The following TAFA2 variants were observed in gnomAD, a reference collection of about 807,000 sequenced individuals.
The protein encoded by TAFA2 is TAFA chemokine like family member 2, also known as chemokine-like protein TAFA-2.
Under a neutral mutation model 18.8 loss-of-function variants are expected in TAFA2, and 7 were observed. The ratio of observed to expected loss-of-function variants is 0.37; its 90% CI spans 0.21 to 0.70. TAFA2 has a LOEUF of 0.70. Among genes scored for constraint, TAFA2 ranks in the 30% least tolerant of loss-of-function variants. TAFA2 has a pLI of 0.53. For synonymous variants in TAFA2, 60 were observed against 54.2 expected (o/e 1.11, Z -0.47); for missense variants, 122 against 158.1 (o/e 0.77, Z 1.23).
At chr12:61,929,508 G>A (rs1344609034) in intron 1 of TAFA2, among the ~76,000 whole-genome samples, 1 of 152,148 alleles carries the variant, frequency 6.6e-6, no homozygotes, top group South Asian at 2.1e-4. Context: ...GGAAACAACA[G>A]GTGCTGGAGA....
chr12:61,863,304 G>C (rs1045579342), intron 2 of TAFA2, among the ~76,000 whole-genome samples: 1 of 152,182 alleles, frequency 6.6e-6, no homozygotes, highest in African/African-American at 2.4e-5. Flanking sequence ...CTGTGCACTA[G>C]AGGCAGAGAG....
intron 2 of TAFA2, among the ~76,000 whole-genome samples, chr12:61,847,505 A>T (rs1294701336): frequency 2.6e-5 from 4 of 152,216 alleles, no homozygotes; most frequent in African/African-American, 9.6e-5. Flanking sequence ...ACATGTATAC[A>T]TTACTTTGAG....
At chr12:62,043,520 G>A (rs1309574631) in intron 1 of TAFA2, among the ~76,000 whole-genome samples, 3 of 152,034 alleles carry the variant, frequency 2.0e-5, no homozygotes, top group Admixed American at 6.6e-5. Flanking sequence ...GTTAAATGGC[G>A]AGTTAATGGG....
chr12:61,971,639 C>A (rs779057151), intron 1 of TAFA2, among the ~76,000 whole-genome samples: 1 of 151,780 alleles, frequency 6.6e-6, no homozygotes, highest in Non-Finnish European at 1.5e-5. Context: ...AAACTAAACA[C>A]CACATGTTCT....
At chr12:62,245,081 A>T (rs145974771) in intron 1 of TAFA2, among the ~76,000 whole-genome samples, 144 of 152,178 alleles carry the variant, frequency 9.5e-4, no homozygotes, top group African/African-American at 3.3e-3. Context: ...CATAAAATAA[A>T]GCTTTCCCTA....
At chr12:62,146,682 T>C (rs1212461406) in intron 1 of TAFA2, among the ~76,000 whole-genome samples, 1 of 152,014 alleles carries the variant, frequency 6.6e-6, no homozygotes, top group Non-Finnish European at 1.5e-5. Flanking sequence ...TCCCAGGCAA[T>C]ATGAAAAGTG....
chr12:61,904,396 C>G (rs1876247534), intron 1 of TAFA2, among the ~76,000 whole-genome samples: 1 of 152,120 alleles, frequency 6.6e-6, no homozygotes, highest in Non-Finnish European at 1.5e-5. Context: ...TTCAAAAATG[C>G]AGCCCTGCCT....
At chr12:61,926,518 C>G (rs1281956068) in intron 1 of TAFA2, among the ~76,000 whole-genome samples, 4 of 152,132 alleles carry the variant, frequency 2.6e-5, no homozygotes, top group African/African-American at 9.7e-5. Flanking sequence ...CAGCTTCATC[C>G]CTGGAATGCA....
chr12:62,131,301 GAAGT>G (rs1870674007), intron 1 of TAFA2, among the ~76,000 whole-genome samples: 1 of 151,976 alleles, frequency 6.6e-6, no homozygotes, highest in Non-Finnish European at 1.5e-5. Flanking sequence ...AAAGAAAAAA[GAAGT>G]AACATTTGCA....
chr12:61,716,346 C>G (rs1161781188), intron 4 of TAFA2, among the ~76,000 whole-genome samples: 2 of 152,126 alleles, frequency 1.3e-5, no homozygotes, highest in African/African-American at 4.8e-5. Context: ...GTTGGCACTT[C>G]AGTTTATCTA....
At chr12:61,759,458 C>T (rs920694028) in intron 2 of TAFA2, among the ~76,000 whole-genome samples, 4 of 151,978 alleles carry the variant, frequency 2.6e-5, no homozygotes, top group Admixed American at 6.6e-5. Context: ...GCCAGAGCAA[C>T]GAATTATGTT....
chr12:62,088,351 A>G (rs768514593), intron 1 of TAFA2, among the ~76,000 whole-genome samples: 2 of 152,018 alleles, frequency 1.3e-5, no homozygotes, highest in African/African-American at 2.4e-5. Context: ...CAACTAAAAG[A>G]CAGTTCAAGT....
At chr12:62,042,399 G>A (rs1565725930) in intron 1 of TAFA2, among the ~76,000 whole-genome samples, 1 of 130,276 alleles carries the variant, frequency 7.7e-6, no homozygotes, top group Admixed American at 8.1e-5. Flanking sequence ...CTGCATTGAA[G>A]TCTGTGTGTG....
At chr12:61,737,244 T>C (rs1868319493) in intron 4 of TAFA2, among the ~76,000 whole-genome samples, 2 of 151,976 alleles carry the variant, frequency 1.3e-5, no homozygotes, top group Admixed American at 1.3e-4. Context: ...TAAGTTTTTT[T>C]CTATTACATT....
At chr12:62,127,475 G>A (rs1870511519) in intron 1 of TAFA2, among the ~76,000 whole-genome samples, 1 of 151,738 alleles carries the variant, frequency 6.6e-6, no homozygotes, top group Admixed American at 6.6e-5. Flanking sequence ...TGTGAAAACT[G>A]GTTCATCTTA....
chr12:62,049,842 A>G (rs1390430082), intron 1 of TAFA2, among the ~76,000 whole-genome samples: 2 of 152,240 alleles, frequency 1.3e-5, no homozygotes, highest in Admixed American at 1.3e-4. Context: ...ATTGCAGAAC[A>G]AAGATCAACT....
At chr12:62,130,929 T>C (rs1214972442) in intron 1 of TAFA2, among the ~76,000 whole-genome samples, 2 of 151,988 alleles carry the variant, frequency 1.3e-5, no homozygotes, top group Admixed American at 6.6e-5. Flanking sequence ...TGTCAGTGGC[T>C]AGCAAACTGA....
At chr12:62,240,194 G>A (rs145660231) in intron 1 of TAFA2, among the ~76,000 whole-genome samples, 1,645 of 151,966 alleles carry the variant, frequency 0.011, 27 homozygotes, top group African/African-American at 0.033. Context: ...CGATGTGGGC[G>A]GATCACCTGA....
intron 1 of TAFA2, among the ~76,000 whole-genome samples, chr12:62,199,733 T>C (rs1324808519): frequency 6.6e-6 from 1 of 152,190 alleles, no homozygotes; most frequent in African/African-American, 2.4e-5. Flanking sequence ...CATGTATCTT[T>C]ATAATAGAAT....
Sources: allele counts gnomAD v4.1 joint callset (sites outside exome capture counted in the v4.1 genomes callset), GRCh38; gene constraint gnomAD v4.1.1; transcripts MANE v1.5; gene names NCBI Gene and HGNC (gene_info 2026-07-23, HGNC 2026-07-21).